Variants in SRRM4 observed in about 807,000 individuals in gnomAD.
SRRM4 encodes serine/arginine repetitive matrix protein 4.
A neutral mutation model predicts 68.9 loss-of-function variants in SRRM4; 33 were observed. That is an observed-to-expected ratio of 0.48 (90% CI 0.36 to 0.64). The LOEUF (loss-of-function observed/expected upper bound fraction) is 0.64. Among genes scored for constraint, SRRM4 ranks in the 30% least tolerant of loss-of-function variants. The pLI is 0.00. For missense variants in SRRM4, 817 were observed against 827.1 expected, an observed-to-expected ratio of 0.99 and a Z score of 0.15; for synonymous variants, 318 against 318.8, an observed-to-expected ratio of 1.00 and a Z score of 0.03.
intron 1 of SRRM4, among the ~76,000 whole-genome samples, chr12:119,039,156 A>G (rs911516009): frequency 2.0e-5 from 3 of 152,332 alleles, no homozygotes; most frequent in African/African-American, 7.2e-5. Flanking sequence ...AAACTGGGGC[A>G]CCAACACCCC....
At chr12:119,060,663 C>G (rs769057121) in intron 1 of SRRM4, among the ~76,000 whole-genome samples, 1 of 151,844 alleles carries the variant, frequency 6.6e-6, no homozygotes, top group Non-Finnish European at 1.5e-5. Context: ...GAATGAGGCC[C>G]GGGACTTCAA....
chr12:119,146,786 T>A, intron 9 of SRRM4, among the ~76,000 whole-genome samples: 1 of 150,472 alleles, frequency 6.6e-6, no homozygotes, highest in Non-Finnish European at 1.5e-5. Context: ...AATACAAAAA[T>A]TTAGCCAGGC....
intron 1 of SRRM4, among the ~76,000 whole-genome samples, chr12:118,999,040 T>C (rs1953367314): frequency 6.6e-6 from 1 of 151,876 alleles, no homozygotes; most frequent in Admixed American, 6.6e-5. Flanking sequence ...GATAGAGGAG[T>C]TGGCTACTGG....
intron 1 of SRRM4, among the ~76,000 whole-genome samples, chr12:119,043,775 T>C (rs867318561): frequency 1.9e-4 from 27 of 141,752 alleles, no homozygotes; most frequent in South Asian, 2.3e-4. Flanking sequence ...CATACACGCA[T>C]ACACACACAC....
intron 1 of SRRM4, among the ~76,000 whole-genome samples, chr12:119,061,803 A>G (rs1173817131): frequency 6.6e-6 from 1 of 151,994 alleles, no homozygotes; most frequent in Admixed American, 6.6e-5. Context: ...GCATGATAAG[A>G]GACTTGCAGC....
At chr12:119,022,308 C>G (rs1380980796) in intron 1 of SRRM4, among the ~76,000 whole-genome samples, 10 of 152,254 alleles carry the variant, frequency 6.6e-5, no homozygotes, top group African/African-American at 2.4e-4. Flanking sequence ...CAAACAAAAA[C>G]CTTTTGTCAA....
At chr12:119,041,072 CG>C (rs1282039474) in intron 1 of SRRM4, among the ~76,000 whole-genome samples, 2 of 152,026 alleles carry the variant, frequency 1.3e-5, no homozygotes, top group African/African-American at 4.8e-5. Context: ...ATTGACTACT[CG>C]TTATATCCAG....
chr12:118,988,211 A>G (rs1953295105), intron 1 of SRRM4, among the ~76,000 whole-genome samples: 1 of 152,170 alleles, frequency 6.6e-6, no homozygotes, highest in African/African-American at 2.4e-5. Context: ...TAGTTATCCG[A>G]TCTGCAAAAT....
intron 2 of SRRM4, among the ~76,000 whole-genome samples, chr12:119,110,530 C>T (rs927661522): frequency 7.2e-5 from 11 of 152,222 alleles, no homozygotes; most frequent in South Asian, 2.1e-4. Context: ...CAATGGCGGA[C>T]GCCCCTGCCC....
At chr12:119,061,982 T>C (rs956049244) in intron 1 of SRRM4, among the ~76,000 whole-genome samples, 2 of 152,232 alleles carry the variant, frequency 1.3e-5, no homozygotes, top group Non-Finnish European at 1.5e-5. Flanking sequence ...GAATACATTC[T>C]GAAGTATGCA....
intron 7 of SRRM4, among the ~76,000 whole-genome samples, chr12:119,126,224 G>A (rs763669840): frequency 9.9e-5 from 15 of 151,586 alleles, no homozygotes; most frequent in Non-Finnish European, 1.5e-4. Context: ...GGGTTTCACC[G>A]TGTTGGCCAG....
At chr12:119,059,585 G>T (rs1953798254) in intron 1 of SRRM4, among the ~76,000 whole-genome samples, 1 of 152,150 alleles carries the variant, frequency 6.6e-6, no homozygotes, top group Non-Finnish European at 1.5e-5. Context: ...ATGTCTCCCT[G>T]GCTACATTGT....
At chr12:119,153,924 GC>G (rs1954455643) in intron 11 of SRRM4, among the ~76,000 whole-genome samples, 1 of 151,762 alleles carries the variant, frequency 6.6e-6, no homozygotes, top group Non-Finnish European at 1.5e-5. Flanking sequence ...CATATTCAGA[GC>G]CCCCAGTTCT....
intron 7 of SRRM4, among the ~76,000 whole-genome samples, chr12:119,129,434 T>A (rs1264452869): frequency 6.7e-5 from 1 of 15,030 alleles, no homozygotes; most frequent in Non-Finnish European, 1.3e-4. Context: ...TGTCAGCCAT[T>A]TTTTTTTCAC....
intron 1 of SRRM4, among the ~76,000 whole-genome samples, chr12:119,098,803 T>C (rs560004359): frequency 4.6e-5 from 7 of 152,326 alleles, no homozygotes; most frequent in Non-Finnish European, 8.8e-5. Context: ...CTCTTACTTC[T>C]CACATTTAGC....
At chr12:119,034,048 T>C (rs1953610806) in intron 1 of SRRM4, among the ~76,000 whole-genome samples, 1 of 152,160 alleles carries the variant, frequency 6.6e-6, no homozygotes, top group African/African-American at 2.4e-5. Context: ...GAAATTAGCA[T>C]ACAGGCGACT....
intron 7 of SRRM4, 115 bp downstream of exon 7, chr12:119,125,594 A>G (rs1045600729): frequency 2.4e-6 from 2 of 847,272 alleles, no homozygotes; most frequent in African/African-American, 1.7e-5. Flanking sequence ...CCCCTTCCTC[A>G]GACTCAGCAG....
intron 1 of SRRM4, among the ~76,000 whole-genome samples, chr12:119,009,792 T>A (rs948286696): frequency 2.1e-4 from 32 of 151,994 alleles, no homozygotes; most frequent in Admixed American, 9.8e-4. Flanking sequence ...GGGGTGGGAG[T>A]GCAGACAATA....
intron 1 of SRRM4, among the ~76,000 whole-genome samples, chr12:118,982,689 T>TG (rs1565882801): frequency 1.1e-4 from 15 of 141,988 alleles, no homozygotes; most frequent in African/African-American, 4.0e-4. Flanking sequence ...GTTTTTTTTT[T>TG]TTTTTTCCAA....
Sources: allele counts gnomAD v4.1 joint callset (sites outside exome capture counted in the v4.1 genomes callset), GRCh38; gene constraint gnomAD v4.1.1; transcripts MANE v1.5; gene names NCBI Gene and HGNC (gene_info 2026-07-23, HGNC 2026-07-21).